Variants in ADGRB2 observed in about 807,000 individuals in gnomAD.
ADGRB2 encodes adhesion G protein-coupled receptor B2.
ADGRB2 carries 47 observed loss-of-function variants against 178.7 expected under a neutral mutation model. The observed-to-expected ratio is 0.26, with a 90% CI of 0.21 to 0.34. The LOEUF is 0.34. Among genes scored for constraint, ADGRB2 ranks in the 10% least tolerant of loss-of-function variants. The probability of loss-of-function intolerance (pLI) is 1.00; values close to 1 mark genes in which losing one functional copy is unlikely to be tolerated. For missense variants in ADGRB2, 1,584 were observed against 2,180.8 expected, an observed-to-expected ratio of 0.73 and a Z score of 5.45; for synonymous variants, 870 against 912.4, an observed-to-expected ratio of 0.95 and a Z score of 0.84.
rs1374760471 is a variant in ADGRB2, at chr1:31,744,420, TA to T, written c.923-64del. 1.7e-5 allele frequency: 26 copies of T among 1,532,942 alleles called. No homozygotes were observed. Among genetic ancestry groups the T allele is most frequent in the Non-Finnish European group, 2.2e-5 (25 of 1,140,842 alleles). 95.0% of individuals were successfully genotyped at this position (1,532,942 alleles called of 1,614,324 possible). ...TCCCAAGCACTCAGTCTCATAGGGATAGGGGGAGTGGCAGTAAGGTGGGGGC... is the reference window on the plus strand; with the variant it reads ...TCCCAAGCACTCAGTCTCATAGGGATGGGGGAGTGGCAGTAAGGTGGGGGC... On this transcript the variant is annotated intron_variant, in intron 5 of 32. Transcript: ENST00000373658. The surrounding 1 kb of genome is among the most constrained non-coding windows in gnomAD (Gnocchi z 6.7).
At chr1:31,732,742 G>A (rs1645356970) in intron 26 of ADGRB2, 130 bp from the exon 27 acceptor site, 26 of 1,192,274 alleles carry the variant, frequency 2.2e-5, no homozygotes, top group Non-Finnish European at 3.1e-5. Context: ...TGGGGAAGGT[G>A]ATGACACCTG....
chr1:31,740,339 G>A lies in ADGRB2; in HGVS notation c.1989+8C>T. On this transcript the variant is annotated splice_region_variant and intron_variant, in intron 12 of 32. Transcript: ENST00000373658. The surrounding 1 kb of genome is among the most constrained non-coding windows in gnomAD (Gnocchi z 5.9). ...CCACCCTCCGCCCTCCTTCCTCCTA[G>A]GCAGTACCTGCACATCATCAGCCGA... is the stretch of plus-strand genomic sequence containing the variant. 1 of 1,610,146 alleles carries A rather than the reference G, an allele frequency of 6.2e-7. No homozygotes were observed. The highest frequency in any genetic ancestry group is 1.1e-5 in the South Asian group (1 of 90,610).
Position 31,731,411 on chromosome 1 carries a change from T to C in ADGRB2, c.3769A>G (p.Lys1257Glu), listed in dbSNP as rs1244665334. 2 of 1,596,434 alleles carry C rather than the reference T, an allele frequency of 1.3e-6. No individual in the cohort carries two copies. The highest frequency in any genetic ancestry group is 2.7e-5 in the African/African-American group (2 of 74,688). Residue 1257 changes from lysine to glutamate, a missense_variant, in exon 29 of 33, where the codon AAG (lysine) becomes GAG (glutamate). This residue lies in a region of ADGRB2 where 865 missense variants were observed against 1,192.8 expected (regional missense o/e 0.73). Coordinates refer to ENST00000373658, the MANE Select transcript of ADGRB2 (RefSeq NM_001364857.2). ...VDLACQTVLF[K>E]EVNTCNPSTI... The stretch of plus-strand genomic sequence containing the variant: ...GACGGGTTGCAAGTGTTGACCTCCT[T>C]GAACAGCACTGGGGGCAGGAGTGGG...
intron 26 of ADGRB2, 96 bp downstream of exon 26, chr1:31,732,876 G>T: frequency 1.4e-6 from 2 of 1,449,196 alleles, no homozygotes; most frequent in South Asian, 1.4e-5. Context: ...GGGCACCCTG[G>T]TCGGGGCCTC....
At chr1:31,749,843 C>T (rs1262714500) in intron 4 of ADGRB2, among the ~76,000 whole-genome samples, 1 of 151,888 alleles carries the variant, frequency 6.6e-6, no homozygotes, top group Non-Finnish European at 1.5e-5. Flanking sequence ...TTTGAGGCCA[C>T]GAGTTCGAGG....
Position 31,731,256 on chromosome 1 carries a change from G to C in ADGRB2, c.3924C>G (p.Ala1308=). The C allele has an allele frequency of 1.2e-6, 2 of 1,609,492 alleles. No individual in the cohort carries two copies. Among genetic ancestry groups the C allele is most frequent in the Non-Finnish European group, 8.5e-7 (1 of 1,178,564 alleles). ...GCGGAGGCTCCCCCAGCCCTGGTGA[G>C]GCTGCCATGGGCACCAGGATATTCC... is the stretch of plus-strand genomic sequence containing the variant. ...LPGNILVPMA[A]SPGLGEPPPP... is the part of the protein sequence containing the mutation. The change falls in exon 29 of 33, where the codon GCC becomes GCG. Residue 1308 remains alanine (A), a synonymous_variant. Coordinates refer to ENST00000373658, the MANE Select transcript of ADGRB2 (RefSeq NM_001364857.2).
intron 6 of ADGRB2, among the ~76,000 whole-genome samples, chr1:31,743,870 G>C (rs1266330672): frequency 6.6e-6 from 1 of 152,250 alleles, no homozygotes; most frequent in Admixed American, 6.5e-5. Context: ...GCAAATGCAG[G>C]GAGGTGGGAA....
chr1:31,738,349 TGA>T, intron 17 of ADGRB2, 23 bp from the exon 18 acceptor site: 1 of 1,607,876 alleles, frequency 6.2e-7, no homozygotes, highest in Non-Finnish European at 8.5e-7. Context: ...AGAGATTCAG[TGA>T]GCCCCAGGCC....
rs570665929 is a variant in ADGRB2, at chr1:31,758,382, A to G, written c.-190-871T>C. Among the ~76,000 whole-genome samples the G allele has an allele frequency of 6.6e-6, 1 of 152,330 alleles. No individual in the cohort carries two copies. Among genetic ancestry groups the G allele is most frequent in the East Asian group, 1.9e-4 (1 of 5,188 alleles). ...GCTTGCTGCTCAGGCTTCAGGCCAG[A>G]TGGACCAGCTATTAGCTCTGGGGAC... On this transcript the variant is annotated intron_variant, in intron 1 of 32. Coordinates refer to ENST00000373658, the MANE Select transcript of ADGRB2 (RefSeq NM_001364857.2). The surrounding 1 kb of genome is among the most constrained non-coding windows in gnomAD (Gnocchi z 4.2).
chr1:31,742,781 C>G (rs1239493349), intron 7 of ADGRB2, 57 bp downstream of exon 7: 8 of 1,370,998 alleles, frequency 5.8e-6, no homozygotes, highest in African/African-American at 3.0e-5. Context: ...CCCCAGGTCT[C>G]CCGACCCCCC....
In ADGRB2 at chr1:31,758,892, G is replaced by A. The variant is rs145857812; in HGVS notation, c.-190-1381C>T. ...CTGCTCAGCTCGCCCCACCTGCTGC[G>A]GCACTAGCCAAGCCAGCGGCTGATG... On this transcript the variant is annotated intron_variant, in intron 1 of 32. Coordinates refer to ENST00000373658, the MANE Select transcript of ADGRB2 (RefSeq NM_001364857.2). The surrounding 1 kb of genome is among the most constrained non-coding windows in gnomAD (Gnocchi z 4.2). Among the ~76,000 whole-genome samples, 4 of 152,320 alleles carry A rather than the reference G, an allele frequency of 2.6e-5. No homozygotes were observed. The highest frequency in any genetic ancestry group is 6.5e-5 in the Admixed American group (1 of 15,312).
intron 4 of ADGRB2, among the ~76,000 whole-genome samples, chr1:31,746,409 G>A (rs537478190): frequency 6.6e-6 from 1 of 152,204 alleles, no homozygotes; most frequent in Non-Finnish European, 1.5e-5. Flanking sequence ...GCAGGGCCAG[G>A]CGTGCCAGCT....
intron 1 of ADGRB2, among the ~76,000 whole-genome samples, chr1:31,763,341 T>G: frequency 7.5e-6 from 1 of 132,850 alleles, no homozygotes; most frequent in African/African-American, 2.9e-5. Context: ...AGAAGCATGG[T>G]CGGGGTACAG....
intron 29 of ADGRB2, 110 bp downstream of exon 29, chr1:31,730,690 A>C: frequency 7.4e-7 from 1 of 1,346,834 alleles, no homozygotes; most frequent in Non-Finnish European, 9.7e-7. Flanking sequence ...ATCCACTCCC[A>C]GTGACTTTTA....
chr1:31,753,727 G>A lies in ADGRB2; in HGVS notation c.838+2272C>T, dbSNP rs1009443244. ...GGTGGTGCTGCCACAAGGCACAGAC[G>A]GTGCCACGGACCCTCAGACATGCCC... is the stretch of plus-strand genomic sequence containing the variant. On this transcript the variant is annotated intron_variant, in intron 4 of 32. Coordinates refer to ENST00000373658, the MANE Select transcript of ADGRB2 (RefSeq NM_001364857.2). The surrounding 1 kb of genome is among the most constrained non-coding windows in gnomAD (Gnocchi z 4.1). 1.3e-5 allele frequency among the ~76,000 whole-genome samples: 2 copies of A among 152,230 alleles called. No individual in the cohort carries two copies. The highest frequency in any genetic ancestry group is 2.1e-4 in the South Asian group (1 of 4,832).
In ADGRB2 at chr1:31,744,503, A is replaced by G; in HGVS notation, c.922+145T>C. 7.0e-7 allele frequency: 1 copy of G among 1,438,424 alleles called. No individual in the cohort carries two copies. Among genetic ancestry groups the G allele is most frequent in the South Asian group, 1.3e-5 (1 of 79,128 alleles). The allele number at this position is 1,438,424 out of a possible 1,614,324, so 89.1% of individuals were successfully genotyped here. On this transcript the variant is annotated intron_variant, in intron 5 of 32. Transcript: ENST00000373658. The surrounding 1 kb of genome is among the most constrained non-coding windows in gnomAD (Gnocchi z 6.7). Reference sequence around the variant, plus strand: ...CAAGTAACAGGCTCTTCAGGAGGCCACCCAGCCCTTCCCACAAGCTTCATG... The same window carrying G: ...CAAGTAACAGGCTCTTCAGGAGGCCGCCCAGCCCTTCCCACAAGCTTCATG...
At chr1:31,732,723 A>G in intron 26 of ADGRB2, 111 bp from the exon 27 acceptor site, 1 of 1,303,026 alleles carries the variant, frequency 7.7e-7, no homozygotes. Context: ...AAGGCAACAC[A>G]TCCAACCTTG....
Position 31,757,201 on chromosome 1 carries a change from C to T in ADGRB2, c.21G>A (p.Met7Ile). 2 of 1,614,210 alleles carry T rather than the reference C, an allele frequency of 1.2e-6. No individual in the cohort carries two copies. The highest frequency in any genetic ancestry group is 1.7e-6 in the Non-Finnish European group (2 of 1,180,022). MENTGW[M>I]GKGHRMTPAC... ...CATTCAGATCCAGCCCCAGCCTCAC[C>T]ATCCAACCTGTATTCTCCATAACTC... The change falls in exon 3 of 33, where the codon ATG becomes ATA. Residue 7 changes from methionine (M) to isoleucine (I), a missense_variant and splice_region_variant. Transcript: ENST00000373658.
rs1557797686 is a variant in ADGRB2 at position 31,758,527 on chromosome 1, CAG to C, written c.-190-1018_-190-1017del. The C allele has an allele frequency of 6.5e-6, 1 of 152,804 alleles. No homozygotes were observed. Among genetic ancestry groups the C allele is most frequent in the East Asian group, 1.9e-4 (1 of 5,194 alleles). The allele number at this position is 152,804 out of a possible 1,614,324, so 9.5% of individuals were successfully genotyped here. A position where few individuals can be genotyped will look rare whatever the true frequency, so the allele number is the denominator to read the frequency against. On this transcript the variant is annotated intron_variant, in intron 1 of 32. Transcript: ENST00000373658. The surrounding 1 kb of genome is among the most constrained non-coding windows in gnomAD (Gnocchi z 4.2). ...GTCTAAACAGCAGGCAGAGGGGGGA[CAG>C]AATTTAGAACCCCAACTTTCCAGTC...
Sources: gnomAD v4.1 joint callset for allele counts (sites outside exome capture counted in the v4.1 genomes callset) on GRCh38, gnomAD v4.1.1 for gene constraint, gnomAD v4.1.1 regional missense constraint, Gnocchi (gnomAD v3.1) non-coding constraint, MANE v1.5 for transcripts, NCBI Gene and HGNC (gene_info 2026-07-23, HGNC 2026-07-21) for gene names.